LRRC4C: variants seen among roughly 807,000 people sequenced by gnomAD.
The protein encoded by LRRC4C is leucine-rich repeat-containing protein 4C.
In LRRC4C, 5 loss-of-function variants were observed where a neutral mutation model predicts 33.6. The ratio of observed to expected loss-of-function variants is 0.15; its 90% confidence interval spans 0.08 to 0.31. The LOEUF is 0.31. Among genes scored for constraint, LRRC4C ranks in the 10% least tolerant of loss-of-function variants. LRRC4C has a pLI of 1.00. For missense variants in LRRC4C, 560 were observed against 796.7 expected, an observed-to-expected ratio of 0.70 and a Z score of 3.58; for synonymous variants, 329 against 302.0, an observed-to-expected ratio of 1.09 and a Z score of -0.93.
chr11:40,989,189 T>A (rs549839773), intron 1 of LRRC4C, among the ~76,000 whole-genome samples: 1 of 152,330 alleles, frequency 6.6e-6, no homozygotes, highest in East Asian at 1.9e-4. Context: ...AATAAGCTCA[T>A]TTATTTTTGA....
At chr11:40,315,441 C>T (rs928723759) in intron 4 of LRRC4C, among the ~76,000 whole-genome samples, 5 of 151,736 alleles carry the variant, frequency 3.3e-5, no homozygotes, top group African/African-American at 1.2e-4. Context: ...TATTTTTCTA[C>T]ACATATAAAT....
chr11:40,781,655 C>T (rs1444234943), intron 2 of LRRC4C, among the ~76,000 whole-genome samples: 1 of 152,182 alleles, frequency 6.6e-6, no homozygotes, highest in Non-Finnish European at 1.5e-5. Context: ...CTTAAACTAT[C>T]TGGTTCTTTT....
chr11:40,144,735 A>G (rs1458097173), intron 5 of LRRC4C, among the ~76,000 whole-genome samples: 1 of 152,224 alleles, frequency 6.6e-6, no homozygotes, highest in Non-Finnish European at 1.5e-5. Flanking sequence ...AAATAATGTG[A>G]TTAAGGTTTA....
At chr11:40,165,307 T>C (rs1590589533) in intron 5 of LRRC4C, among the ~76,000 whole-genome samples, 1 of 152,320 alleles carries the variant, frequency 6.6e-6, no homozygotes, top group African/African-American at 2.4e-5. Context: ...TGTGTGTGCC[T>C]TTGTATTTGT....
Position 41,243,298 on chromosome 11 carries a change from A to G in LRRC4C, c.-496+216133T>C, listed in dbSNP as rs192377072. 2.2e-3 allele frequency among the ~76,000 whole-genome samples: 331 copies of G among 152,302 alleles called. 2 individuals carry two copies. Among genetic ancestry groups the G allele is most frequent in the African/African-American group, 7.6e-3 (316 of 41,584 alleles). On this transcript the variant is annotated intron_variant, in intron 1 of 6. Coordinates refer to ENST00000528697, the MANE Select transcript of LRRC4C (RefSeq NM_001258419.2). ...ACTTCTTTTAACAGTTTCCACATCC[A>G]TTATCTTGTTTAACTAAAAGATAAA...
At chr11:40,885,051 G>T (rs1167912301) in intron 2 of LRRC4C, among the ~76,000 whole-genome samples, 1 of 151,902 alleles carries the variant, frequency 6.6e-6, no homozygotes, top group Non-Finnish European at 1.5e-5. Flanking sequence ...TTTGGGTTCT[G>T]GTTACACTAA....
At chr11:40,852,680 G>C (rs1193713404) in intron 2 of LRRC4C, among the ~76,000 whole-genome samples, 2 of 151,962 alleles carry the variant, frequency 1.3e-5, no homozygotes, top group African/African-American at 2.4e-5. Context: ...AAAATCTAAG[G>C]ATAAAAATCT....
At chr11:40,351,862 T>C (rs538073737) in intron 3 of LRRC4C, among the ~76,000 whole-genome samples, 1 of 152,228 alleles carries the variant, frequency 6.6e-6, no homozygotes, top group Admixed American at 6.5e-5. Context: ...TGGTTTTCAC[T>C]TTCATAGAAT....
At chr11:40,428,536 T>A (rs11824375) in intron 3 of LRRC4C, among the ~76,000 whole-genome samples, 5,568 of 152,310 alleles carry the variant, frequency 0.037, 345 homozygotes, top group African/African-American at 0.13. Flanking sequence ...CTGCTGTTTA[T>A]GTAAGTGTTT....
intron 1 of LRRC4C, among the ~76,000 whole-genome samples, chr11:41,137,569 T>C (rs10742580): frequency 0.97 from 147,849 of 152,296 alleles, 71,937 homozygotes; most frequent in East Asian, 1. Context: ...GAGTGATCTT[T>C]CCATCATCAG....
chr11:40,804,882 A>C (rs1951180603), intron 2 of LRRC4C, among the ~76,000 whole-genome samples: 2 of 152,242 alleles, frequency 1.3e-5, no homozygotes, highest in African/African-American at 4.8e-5. Context: ...AAAGTAATCC[A>C]TAAAAAGGAA....
intron 5 of LRRC4C, among the ~76,000 whole-genome samples, chr11:40,161,811 A>G (rs1859181696): frequency 6.6e-6 from 1 of 152,154 alleles, no homozygotes; most frequent in East Asian, 1.9e-4. Context: ...ATAATCTAGG[A>G]AAGTGTATAA....
intron 3 of LRRC4C, among the ~76,000 whole-genome samples, chr11:40,565,771 A>G (rs894456316): frequency 6.6e-6 from 1 of 152,102 alleles, no homozygotes; most frequent in African/African-American, 2.4e-5. Flanking sequence ...CACCTAAAGG[A>G]GCAAAAAATG....
chr11:41,078,371 T>C (rs1231012088), intron 1 of LRRC4C, among the ~76,000 whole-genome samples: 1 of 152,202 alleles, frequency 6.6e-6, no homozygotes, highest in Non-Finnish European at 1.5e-5. Context: ...CAATTTTCTG[T>C]ATCAGTTCAT....
At chr11:40,666,147 A>T (rs1943798025) in intron 2 of LRRC4C, among the ~76,000 whole-genome samples, 1 of 152,160 alleles carries the variant, frequency 6.6e-6, no homozygotes, top group South Asian at 2.1e-4. Flanking sequence ...ACTCTTCGAC[A>T]GTCAAAGCAA....
At chr11:40,134,260 G>A (rs1856831118) in intron 6 of LRRC4C, among the ~76,000 whole-genome samples, 1 of 152,110 alleles carries the variant, frequency 6.6e-6, no homozygotes, top group African/African-American at 2.4e-5. Context: ...AAAAGAGAAA[G>A]AGTTTATTTG....
At chr11:40,860,832 C>A (rs1249514483) in intron 2 of LRRC4C, among the ~76,000 whole-genome samples, 1 of 107,134 alleles carries the variant, frequency 9.3e-6, no homozygotes. Flanking sequence ...AGGCACGATT[C>A]AACCCATAAC....
intron 3 of LRRC4C, among the ~76,000 whole-genome samples, chr11:40,472,881 A>G (rs1288521717): frequency 2.0e-5 from 3 of 152,204 alleles, no homozygotes; most frequent in Admixed American, 6.5e-5. Flanking sequence ...TCCTGGACAC[A>G]TACACCCTCC....
chr11:40,440,664 C>A (rs1442639915), intron 3 of LRRC4C, among the ~76,000 whole-genome samples: 3 of 152,138 alleles, frequency 2.0e-5, no homozygotes, highest in Non-Finnish European at 4.4e-5. Context: ...TTTATTCATA[C>A]AAGGTAATAA....
Sources: allele counts gnomAD v4.1 joint callset (sites outside exome capture counted in the v4.1 genomes callset), GRCh38; gene constraint gnomAD v4.1.1; transcripts MANE v1.5; gene names NCBI Gene and HGNC (gene_info 2026-07-23, HGNC 2026-07-21).